MCM9: variants seen among roughly 807,000 people sequenced by gnomAD.
MCM9 encodes the protein DNA helicase MCM9.
MCM9 carries 55 observed loss-of-function variants against 72.8 expected under a neutral mutation model. The ratio of observed to expected loss-of-function variants is 0.76; its 90% CI spans 0.61 to 0.95. The LOEUF is 0.95. Among genes scored for constraint, MCM9 ranks in the 40% least tolerant of loss-of-function variants. The pLI is 0.00. For synonymous variants in MCM9, 480 were observed against 503.4 expected, an observed-to-expected ratio of 0.95 and a Z score of 0.62; for missense variants, 1,279 against 1,377.0, an observed-to-expected ratio of 0.93 and a Z score of 1.13.
intron 9 of MCM9, among the ~76,000 whole-genome samples, chr6:118,833,322 A>T (rs971466133): frequency 4.6e-5 from 7 of 152,168 alleles, no homozygotes; most frequent in African/African-American, 1.4e-4. Context: ...GGGAAAAAAA[A>T]TTGCTTCTAG....
chr6:118,897,976 C>A (rs6900809), intron 8 of MCM9, among the ~76,000 whole-genome samples: 1,578 of 152,332 alleles, frequency 0.01, 30 homozygotes, highest in African/African-American at 0.036. Context: ...AGGCTAGATT[C>A]TCTCTCCATC....
At chr6:118,883,867 T>C (rs1171432094) in intron 8 of MCM9, among the ~76,000 whole-genome samples, 1 of 152,180 alleles carries the variant, frequency 6.6e-6, no homozygotes, top group Non-Finnish European at 1.5e-5. Context: ...CAAATCTCTC[T>C]GGGTGATAAC....
intron 10 of MCM9, 80 bp from the exon 11 acceptor site, chr6:118,828,210 T>C (rs1338086127): frequency 8.8e-7 from 1 of 1,140,494 alleles, no homozygotes; most frequent in African/African-American, 1.6e-5. Context: ...AAAGTTCTGG[T>C]ACTCATTTGT....
At chr6:118,930,936 A>C (rs1295494595) in intron 3 of MCM9, among the ~76,000 whole-genome samples, 2 of 152,344 alleles carry the variant, frequency 1.3e-5, no homozygotes, top group East Asian at 1.9e-4. Flanking sequence ...GCAGTTTCTT[A>C]ACAATTAAGA....
intron 6 of MCM9, among the ~76,000 whole-genome samples, chr6:118,914,423 C>CCA (rs1780778892): frequency 6.6e-6 from 1 of 152,126 alleles, no homozygotes; most frequent in African/African-American, 2.4e-5. Context: ...TACACAAAGG[C>CCA]TACTTTTTGT....
chr6:118,817,138 T>A (rs1773458986), intron 13 of MCM9, among the ~76,000 whole-genome samples: 1 of 152,278 alleles, frequency 6.6e-6, no homozygotes, highest in African/African-American at 2.4e-5. Context: ...TGTTTTTTTT[T>A]ACTTTAAGTT....
chr6:118,890,296 A>G (rs985892575), intron 8 of MCM9, among the ~76,000 whole-genome samples: 10 of 152,212 alleles, frequency 6.6e-5, no homozygotes, highest in African/African-American at 1.9e-4. Flanking sequence ...TTGACATGGT[A>G]GAGAGTACAA....
At chr6:118,838,181 G>C (rs1397750406) in intron 9 of MCM9, among the ~76,000 whole-genome samples, 1 of 127,316 alleles carries the variant, frequency 7.9e-6, no homozygotes, top group Non-Finnish European at 1.6e-5. Flanking sequence ...TTTTTTTTGA[G>C]ACGGAGTCTC....
chr6:118,816,275 G>A lies in MCM9; in HGVS notation c.1981C>T (p.His661Tyr), dbSNP rs759190028. ...RLERLQNQSV[H>Y]QSQPRVLEVE... Reference sequence around the variant, plus strand: ...TCCAATACCCGTGGTTGGGATTGGTGCACACTCTGATTCTGTAACCTGTAG... The same window carrying A: ...TCCAATACCCGTGGTTGGGATTGGTACACACTCTGATTCTGTAACCTGTAG... The change falls in exon 14 of 14, where the codon CAC (histidine) becomes TAC (tyrosine). Residue 661 changes from histidine to tyrosine, a missense_variant. His to Tyr is a moderately conservative substitution (Grantham distance 83). Transcript: ENST00000619706. The A allele has an allele frequency of 1.9e-6, 3 of 1,542,730 alleles. No homozygotes were observed. The highest frequency in any genetic ancestry group is 2.6e-6 in the Non-Finnish European group (3 of 1,142,964).
chr6:118,907,629 T>G (rs762588943), intron 8 of MCM9: 7 of 1,594,304 alleles, frequency 4.4e-6, no homozygotes, highest in Non-Finnish European at 5.2e-6. Flanking sequence ...CTACCATCCC[T>G]TTAGTACAAA....
At chr6:118,914,067 A>G (rs910821110) in intron 6 of MCM9, among the ~76,000 whole-genome samples, 1 of 152,200 alleles carries the variant, frequency 6.6e-6, no homozygotes. Context: ...GGTATAAGAA[A>G]TAAGTAAAAA....
chr6:118,814,390 CAA>C lies in MCM9; in HGVS notation c.*432_*433del, dbSNP rs59630533. The C allele has an allele frequency of 2.5e-3, 202 of 80,328 alleles. No homozygotes were observed. The highest frequency in any genetic ancestry group is 6.5e-3 in the African/African-American group (161 of 24,672). 5.0% of individuals were successfully genotyped at this position (80,328 alleles called of 1,614,324 possible). A position where few individuals can be genotyped will look rare whatever the true frequency, so the allele number is the denominator to read the frequency against. On this transcript the variant is annotated 3_prime_UTR_variant, in exon 14 of 14. Coordinates refer to ENST00000619706, the MANE Select transcript of MCM9 (RefSeq NM_017696.3). ...ACTTAGCCCATTCCAGGTGAAAATA[CAA>C]AAAAAAAAAAAAAAAGTAGAAAAGA... is the stretch of plus-strand genomic sequence containing the variant.
intron 9 of MCM9, among the ~76,000 whole-genome samples, chr6:118,843,698 A>ATGTATG (rs1775641514): frequency 1.1e-5 from 1 of 91,596 alleles, no homozygotes; most frequent in Non-Finnish European, 2.1e-5. Flanking sequence ...GTATATATAT[A>ATGTATG]TATATGTATG....
intron 8 of MCM9, among the ~76,000 whole-genome samples, chr6:118,874,198 C>T (rs1011444070): frequency 2.6e-5 from 4 of 151,826 alleles, no homozygotes; most frequent in Admixed American, 6.6e-5. Context: ...GAGGTTGCAG[C>T]GAGCCAAGAC....
At chr6:118,826,687 T>C in intron 12 of MCM9, 95 bp downstream of exon 12, 2 of 870,390 alleles carry the variant, frequency 2.3e-6, no homozygotes, top group Non-Finnish European at 3.6e-6. Context: ...AATATGAGCA[T>C]TTTAATAACT....
At chr6:118,905,687 A>C in intron 8 of MCM9, 1 of 1,613,400 alleles carries the variant, frequency 6.2e-7, no homozygotes, top group Non-Finnish European at 8.5e-7. Context: ...TTCCAGATGC[A>C]GATGCAGTAG....
chr6:118,862,657 C>A (rs371694595), intron 8 of MCM9, among the ~76,000 whole-genome samples: 14 of 152,174 alleles, frequency 9.2e-5, no homozygotes, highest in Non-Finnish European at 1.9e-4. Context: ...GGTGGTAATG[C>A]GAGCAATGGG....
chr6:118,828,077 A>AAAG lies in MCM9; in HGVS notation c.1581_1582insCTT (p.Tyr527_Phe528insLeu). 6.4e-7 allele frequency: 1 copy of AAAG among 1,550,640 alleles called. No homozygotes were observed. Among genetic ancestry groups the AAAG allele is most frequent in the Non-Finnish European group, 8.7e-7 (1 of 1,147,002 alleles). ...GGCTGCAGATTCCTTATGAGGCAGA[A>AAAG]ATAGGTTTTCATCTTTTCCATGCTC... On this transcript the variant is annotated inframe_insertion, in exon 11 of 14. Transcript: ENST00000619706.
At chr6:118,864,595 C>T (rs932066074) in intron 8 of MCM9, among the ~76,000 whole-genome samples, 1 of 152,068 alleles carries the variant, frequency 6.6e-6, no homozygotes, top group East Asian at 1.9e-4. Flanking sequence ...GAAGGAAAAG[C>T]TGAGGCATAG....
Sources: gnomAD v4.1 joint callset for allele counts (sites outside exome capture counted in the v4.1 genomes callset) on GRCh38, gnomAD v4.1.1 for gene constraint, MANE v1.5 for transcripts, NCBI Gene and HGNC (gene_info 2026-07-23, HGNC 2026-07-21) for gene names.